Variants in TFRC observed in about 807,000 individuals in gnomAD.
TFRC encodes transferrin receptor, also known as transferrin receptor protein 1.
In TFRC, 35 loss-of-function variants were observed where a neutral mutation model predicts 85.8. The observed-to-expected ratio is 0.41, with a 90% CI of 0.31 to 0.54. The LOEUF (loss-of-function observed/expected upper bound fraction) is 0.54, where lower values mean the gene tolerates loss of function less well. Ranked by LOEUF, TFRC falls within the 20% of genes least tolerant of loss-of-function variation. The pLI, the probability that TFRC is intolerant of heterozygous loss-of-function variation, is 0.31. For missense variants in TFRC, 828 were observed against 921.5 expected, an observed-to-expected ratio of 0.90 and a Z score of 1.31; for synonymous variants, 362 against 328.6, an observed-to-expected ratio of 1.10 and a Z score of -1.10.
At chr3:196,074,151 A>G in intron 3 of TFRC, 26 bp from the exon 4 acceptor site, 1 of 1,581,826 alleles carries the variant, frequency 6.3e-7, no homozygotes, top group Non-Finnish European at 8.6e-7. Context: ...TCCAGAGCTG[A>G]ACTCAGAATT....
intron 8 of TFRC, 26 bp from the exon 9 acceptor site, chr3:196,067,683 T>C (rs1461713733): frequency 6.2e-7 from 1 of 1,609,454 alleles, no homozygotes; most frequent in African/African-American, 1.3e-5. Context: ...AGCAATTCAC[T>C]CCATCACATA....
rs563261273 is a variant in TFRC, at chr3:196,076,566, C to A, written c.36+498G>T. On this transcript the variant is annotated intron_variant, in intron 2 of 18. Transcript: ENST00000360110. ...CCGGGTTCAAGCAATTCTCCTGCCT[C>A]AGCCTCCCAAGTAGCTGGGACTACA... Among the ~76,000 whole-genome samples the A allele has an allele frequency of 2.0e-5, 3 of 152,172 alleles. No homozygotes were observed. In the East Asian group the frequency reaches 5.8e-4, roughly 29 times the overall value.
chr3:196,062,595 A>G lies in TFRC; in HGVS notation c.1455T>C (p.Asp485=). 1 of 1,608,386 alleles carries G rather than the reference A, an allele frequency of 6.2e-7. No individual in the cohort carries two copies. Among genetic ancestry groups the G allele is most frequent in the Non-Finnish European group, 8.5e-7 (1 of 1,178,482 alleles). ...HLKAFTYINL[D]KAVLGTSNFK... is the part of the protein sequence containing the mutation. ...AGGGATACTTACCAAGAACCGCTTT[A>G]TCCAGATTAATATAAGTGAAAGCCT... The change falls in exon 13 of 19, where the codon GAT becomes GAC. Residue 485 remains aspartate, a synonymous_variant. Coordinates refer to ENST00000360110, the MANE Select transcript of TFRC (RefSeq NM_001128148.3).
At chr3:196,073,250 G>C (rs1406216145) in intron 4 of TFRC, among the ~76,000 whole-genome samples, 1 of 141,922 alleles carries the variant, frequency 7.0e-6, no homozygotes, top group Non-Finnish European at 1.5e-5. Context: ...AAAAATCTAA[G>C]AACAGACCGG....
intron 2 of TFRC, among the ~76,000 whole-genome samples, chr3:196,076,157 AAAATAAAT>A (rs536846888): frequency 6.6e-6 from 1 of 151,938 alleles, no homozygotes; most frequent in African/African-American, 2.4e-5. Context: ...AAATAAAATA[AAAATAAAT>A]AAATAAATAA....
Position 196,050,266 on chromosome 3 carries a change from TA to T in TFRC, c.*1675del, listed in dbSNP as rs1716204180. The T allele has an allele frequency of 4.5e-6, 1 of 222,218 alleles. No homozygotes were observed. Among genetic ancestry groups the T allele is most frequent in the Non-Finnish European group, 9.0e-6 (1 of 111,364 alleles). The allele number at this position is 222,218 out of a possible 1,614,324, so 13.8% of individuals were successfully genotyped here. A position where few individuals can be genotyped will look rare whatever the true frequency, so the allele number is the denominator to read the frequency against. On this transcript the variant is annotated 3_prime_UTR_variant, in exon 19 of 19. Transcript: ENST00000360110. ...TTAAGTAGAGGACCTGGAGAAACCA[TA>T]AAGGTAACAAAAACCCAAGCTAAAT...
chr3:196,055,784 C>G (rs148276433), intron 16 of TFRC, among the ~76,000 whole-genome samples: 1 of 149,804 alleles, frequency 6.7e-6, no homozygotes, highest in Non-Finnish European at 1.5e-5. Context: ...CATGACTCCC[C>G]GCAGCCTTGA....
intron 10 of TFRC, 147 bp downstream of exon 10, chr3:196,065,296 T>C (rs1377218829): frequency 2.2e-6 from 1 of 455,712 alleles, no homozygotes; most frequent in East Asian, 4.0e-5. Flanking sequence ...ACATAAACAA[T>C]TAACTTTAGG....
chr3:196,077,163 G>T, intron 1 of TFRC, 41 bp from the exon 2 acceptor site: 1 of 1,432,678 alleles, frequency 7.0e-7, no homozygotes, highest in Non-Finnish European at 9.8e-7. Flanking sequence ...AGATACTACT[G>T]TATCAGATTA....
At chr3:196,056,294 G>A (rs985174668) in intron 16 of TFRC, among the ~76,000 whole-genome samples, 1 of 152,084 alleles carries the variant, frequency 6.6e-6, no homozygotes, top group African/African-American at 2.4e-5. Flanking sequence ...CACCCAATGT[G>A]CCGGAATTAT....
rs41297519 is a variant in TFRC at position 196,058,019 on chromosome 3, G to A, written c.1677+265C>T. 467 of 264,918 alleles carry A rather than the reference G, an allele frequency of 1.8e-3. 3 individuals carry two copies. Among genetic ancestry groups the A allele is most frequent in the African/African-American group, 8.5e-3 (383 of 44,978 alleles). The allele number at this position is 264,918 out of a possible 1,614,324, so 16.4% of individuals were successfully genotyped here. A position where few individuals can be genotyped will look rare whatever the true frequency, so the allele number is the denominator to read the frequency against. On this transcript the variant is annotated intron_variant, in intron 16 of 18. Coordinates refer to ENST00000360110, the MANE Select transcript of TFRC (RefSeq NM_001128148.3). ...AACCTTGCACCAAAAAACTTCTCTC[G>A]TGAGAAAATCTGCCTAGCAACTGCC...
chr3:196,072,740 G>C (rs548220222), intron 4 of TFRC: 4 of 151,946 alleles, frequency 2.6e-5, no homozygotes, highest in African/African-American at 9.7e-5. Context: ...GTAAGTGTAG[G>C]AAGCTTGCAA....
At chr3:196,077,188 AC>A in intron 1 of TFRC, 66 bp from the exon 2 acceptor site, 1 of 1,134,796 alleles carries the variant, frequency 8.8e-7, no homozygotes. Flanking sequence ...GCTTTCTATT[AC>A]CAGGCTAAAT....
At chr3:196,068,927 C>CAAAAAA (rs55642820) in intron 7 of TFRC, among the ~76,000 whole-genome samples, 1 of 85,060 alleles carries the variant, frequency 1.2e-5, no homozygotes, top group Non-Finnish European at 2.2e-5. Flanking sequence ...GACTCCGTCT[C>CAAAAAA]AAAAAAAAAA....
At chr3:196,064,983 C>T (rs934307309) in intron 10 of TFRC, among the ~76,000 whole-genome samples, 9 of 152,292 alleles carry the variant, frequency 5.9e-5, no homozygotes, top group South Asian at 2.1e-4. Flanking sequence ...ATAGGCTGGG[C>T]GCGGTGGCTC....
In TFRC at chr3:196,075,179, A is replaced by G; in HGVS notation, c.218T>C (p.Val73Ala). 6.2e-7 allele frequency: 1 copy of G among 1,614,184 alleles called. No homozygotes were observed. The highest frequency in any genetic ancestry group is 8.5e-7 in the Non-Finnish European group (1 of 1,180,040). Reference protein sequence around the residue: ...SGSICYGTIAVIVFFLIGFMI... With the variant: ...SGSICYGTIAAIVFFLIGFMI... ...CTCACCAATCAAGAAAAAGACGATC[A>G]CAGCAATAGTCCCATAGCAGATACT... is the stretch of plus-strand genomic sequence containing the variant. Residue 73 changes from valine to alanine, a missense_variant, in exon 3 of 19, where the codon GTG becomes GCG. Coordinates refer to ENST00000360110, the MANE Select transcript of TFRC (RefSeq NM_001128148.3).
rs528859560 is a variant in TFRC at position 196,058,305 on chromosome 3, T to G, written c.1656A>C (p.Ala552=). Residue 552 remains alanine (A), a synonymous_variant, in exon 16 of 19, where the codon GCA becomes GCC. Transcript: ENST00000360110. The part of the protein sequence containing the change: ...FPFLAYSGIP[A]VSFCFCEDTD... ...TTACCTCGCAAAAACAGAAAGAAAC[T>G]GCTGGGATTCCAGAATATGCAAGGA... The G allele has an allele frequency of 1.9e-6, 3 of 1,613,894 alleles. No homozygotes were observed. Among genetic ancestry groups the G allele is most frequent in the Non-Finnish European group, 2.5e-6 (3 of 1,179,938 alleles).
intron 12 of TFRC, 88 bp downstream of exon 12, chr3:196,062,766 A>C: frequency 6.4e-7 from 1 of 1,564,744 alleles, no homozygotes; most frequent in Non-Finnish European, 8.8e-7. Context: ...CAAAAGTGGT[A>C]AAATCAAACC....
In TFRC at chr3:196,049,949, AGCTGATCATCAC is replaced by A; in HGVS notation, c.*1981_*1992del. Reference sequence around the variant, plus strand: ...CGTTTCCAACTGCCCTATGACAAACAGCTGATCATCACGTTTATAATGATGGTTCACTCACGG... The same window carrying A: ...CGTTTCCAACTGCCCTATGACAAACAGTTTATAATGATGGTTCACTCACGG... On this transcript the variant is annotated 3_prime_UTR_variant, in exon 19 of 19. Coordinates refer to ENST00000360110, the MANE Select transcript of TFRC (RefSeq NM_001128148.3). The A allele has an allele frequency of 4.3e-6, 1 of 231,582 alleles. No individual in the cohort carries two copies. The highest frequency in any genetic ancestry group is 8.6e-6 in the Non-Finnish European group (1 of 116,936). The allele number at this position is 231,582 out of a possible 1,614,324, so 14.3% of individuals were successfully genotyped here. A position where few individuals can be genotyped will look rare whatever the true frequency, so the allele number is the denominator to read the frequency against.
Sources: gnomAD v4.1 joint callset for allele counts (sites outside exome capture counted in the v4.1 genomes callset) on GRCh38, gnomAD v4.1.1 for gene constraint, MANE v1.5 for transcripts, NCBI Gene and HGNC (gene_info 2026-07-23, HGNC 2026-07-21) for gene names.